IMMP2L: variants seen among roughly 807,000 people sequenced by gnomAD.
IMMP2L encodes the protein inner mitochondrial membrane peptidase subunit 2.
In IMMP2L, 18 loss-of-function variants were observed where a neutral mutation model predicts 19.3. The ratio of observed to expected loss-of-function variants is 0.93; its 90% CI spans 0.64 to 1.38. The LOEUF is 1.38. Among genes scored for constraint, IMMP2L ranks in the 40% most tolerant of loss-of-function variants. The pLI is 0.00. For synonymous variants in IMMP2L, 76 were observed against 73.0 expected, an observed-to-expected ratio of 1.04 and a Z score of -0.21; for missense variants, 233 against 218.2, an observed-to-expected ratio of 1.07 and a Z score of -0.43.
chr7:111,376,911 G>A (rs949030788), intron 3 of IMMP2L, among the ~76,000 whole-genome samples: 3 of 151,976 alleles, frequency 2.0e-5, no homozygotes, highest in Non-Finnish European at 2.9e-5. Flanking sequence ...GTGGCATGGT[G>A]GTGACAGCTA....
chr7:110,997,361 T>A (rs2129560586), intron 3 of IMMP2L, among the ~76,000 whole-genome samples: 1 of 152,216 alleles, frequency 6.6e-6, no homozygotes, highest in South Asian at 2.1e-4. Context: ...TAGACATCAA[T>A]ATTCAGATGT....
intron 4 of IMMP2L, among the ~76,000 whole-genome samples, chr7:110,927,042 T>C (rs1167544017): frequency 6.6e-6 from 1 of 152,190 alleles, no homozygotes; most frequent in Non-Finnish European, 1.5e-5. Context: ...CAAGTGATGC[T>C]GCAGAATGTT....
At chr7:111,506,598 T>C (rs922069580) in intron 2 of IMMP2L, among the ~76,000 whole-genome samples, 2 of 152,058 alleles carry the variant, frequency 1.3e-5, no homozygotes, top group Non-Finnish European at 2.9e-5. Context: ...GGTTTTACCA[T>C]GTTGGCCAGG....
intron 3 of IMMP2L, among the ~76,000 whole-genome samples, chr7:111,223,572 C>T (rs796296149): frequency 7.2e-5 from 11 of 152,206 alleles, no homozygotes; most frequent in African/African-American, 9.6e-5. Context: ...ATTCACACCA[C>T]GTATGTCAGC....
chr7:111,266,280 C>T (rs541533990), intron 3 of IMMP2L, among the ~76,000 whole-genome samples: 1 of 152,070 alleles, frequency 6.6e-6, no homozygotes, highest in South Asian at 2.1e-4. Flanking sequence ...CGGTGGCTCA[C>T]ACCTGTAATC....
chr7:111,188,678 T>C (rs534369561), intron 3 of IMMP2L, among the ~76,000 whole-genome samples: 1 of 152,222 alleles, frequency 6.6e-6, no homozygotes, highest in East Asian at 1.9e-4. Context: ...GAGGAGTTAA[T>C]TTCTTGTACT....
rs1183932502 is a variant in IMMP2L, at chr7:111,359,764, GCTAGTGGTTACC to G, written c.239+127462_239+127473del. On this transcript the variant is annotated intron_variant, in intron 3 of 5. Transcript: ENST00000405709. ...ATTTTTTAATCTCTTTGTTACATAA[GCTAGTGGTTACC>G]CTAACTGATAAAGAGTCCAATAAAT... Among the ~76,000 whole-genome samples the G allele has an allele frequency of 5.3e-5, 8 of 152,176 alleles. No homozygotes were observed. In the East Asian group the frequency reaches 1.5e-3, roughly 29 times the overall value.
At chr7:111,100,521 G>A (rs1365993984) in intron 3 of IMMP2L, among the ~76,000 whole-genome samples, 1 of 148,758 alleles carries the variant, frequency 6.7e-6, no homozygotes, top group Non-Finnish European at 1.5e-5. Context: ...TTTACCACAT[G>A]GTACAACCTG....
At chr7:111,250,145 T>A (rs1815922801) in intron 3 of IMMP2L, among the ~76,000 whole-genome samples, 1 of 152,016 alleles carries the variant, frequency 6.6e-6, no homozygotes, top group Non-Finnish European at 1.5e-5. Context: ...ATGAATGAAC[T>A]CCCATTCACA....
At chr7:111,167,469 A>G (rs2129608260) in intron 3 of IMMP2L, among the ~76,000 whole-genome samples, 1 of 152,080 alleles carries the variant, frequency 6.6e-6, no homozygotes, top group East Asian at 1.9e-4. Flanking sequence ...GCATACTTCA[A>G]GCTCAAGATT....
chr7:111,133,657 A>G (rs1802055039), intron 3 of IMMP2L, among the ~76,000 whole-genome samples: 1 of 152,084 alleles, frequency 6.6e-6, no homozygotes. Flanking sequence ...TTATAAGGGT[A>G]CAAAGATTCG....
At chr7:111,222,627 T>C (rs777889517) in intron 3 of IMMP2L, among the ~76,000 whole-genome samples, 3 of 152,080 alleles carry the variant, frequency 2.0e-5, no homozygotes, top group Admixed American at 6.6e-5. Flanking sequence ...GAGATGATAT[T>C]TGGATATATT....
chr7:111,493,673 C>A (rs1386460135), intron 2 of IMMP2L, among the ~76,000 whole-genome samples: 1 of 149,844 alleles, frequency 6.7e-6, no homozygotes, highest in African/African-American at 2.5e-5. Flanking sequence ...CCACTGCACT[C>A]CAGCCTGGGC....
chr7:110,808,216 T>C (rs959441984), intron 5 of IMMP2L, among the ~76,000 whole-genome samples: 1 of 152,018 alleles, frequency 6.6e-6, no homozygotes, highest in African/African-American at 2.4e-5. Flanking sequence ...TCAACTTAAA[T>C]GCATTCTGTT....
intron 3 of IMMP2L, among the ~76,000 whole-genome samples, chr7:110,967,734 T>C (rs940006225): frequency 2.0e-5 from 3 of 152,116 alleles, no homozygotes; most frequent in South Asian, 2.1e-4. Context: ...TTTTTCACTA[T>C]CCTAAAGGAT....
intron 3 of IMMP2L, among the ~76,000 whole-genome samples, chr7:111,306,685 A>T (rs1416157619): frequency 6.7e-6 from 1 of 149,050 alleles, no homozygotes; most frequent in African/African-American, 2.5e-5. Flanking sequence ...GGGGTTACTG[A>T]CTGGGAAGCT....
intron 3 of IMMP2L, among the ~76,000 whole-genome samples, chr7:111,470,722 T>G: frequency 5.5e-5 from 2 of 36,492 alleles, no homozygotes; most frequent in East Asian, 9.2e-4. Context: ...TGGGGACTGT[T>G]GTGGGGTGGG....
intron 5 of IMMP2L, among the ~76,000 whole-genome samples, chr7:110,825,999 C>A (rs995849422): frequency 6.6e-6 from 1 of 152,024 alleles, no homozygotes; most frequent in Admixed American, 6.6e-5. Context: ...AAGAAAAAAA[C>A]AAACAACCCC....
chr7:110,720,006 T>C (rs1795469693), intron 5 of IMMP2L, among the ~76,000 whole-genome samples: 1 of 152,202 alleles, frequency 6.6e-6, no homozygotes, highest in African/African-American at 2.4e-5. Context: ...TTTTACATCT[T>C]AGTGTTTGAA....
Sources: gnomAD v4.1 joint callset for allele counts (sites outside exome capture counted in the v4.1 genomes callset) on GRCh38, gnomAD v4.1.1 for gene constraint, MANE v1.5 for transcripts, NCBI Gene and HGNC (gene_info 2026-07-23, HGNC 2026-07-21) for gene names.